The following RANBP2 variants were observed in gnomAD, a reference collection of about 807,000 sequenced individuals.
RANBP2 encodes the protein E3 SUMO-protein ligase RanBP2.
In RANBP2, 57 loss-of-function variants were observed where a neutral mutation model predicts 303.6. That is an observed-to-expected ratio of 0.19 (90% CI 0.15 to 0.23). The LOEUF is 0.23. Among genes scored for constraint, RANBP2 ranks in the 10% least tolerant of loss-of-function variants. RANBP2 has a pLI of 1.00. For synonymous variants in RANBP2, 1,167 were observed against 1,301.5 expected, an observed-to-expected ratio of 0.90 and a Z score of 2.23; for missense variants, 3,138 against 3,780.8, an observed-to-expected ratio of 0.83 and a Z score of 4.46.
At chr2:109,543,143 C>T in the RANBP2 span, 9 of 152,600 alleles carry the variant, frequency 5.9e-5, no homozygotes, top group East Asian at 1.5e-3. Context: ...GCAAATACCA[C>T]CTGAAATATG....
intron 20 of RANBP2, among the ~76,000 whole-genome samples, chr2:108,768,686 CTT>C (rs1558929117): frequency 6.6e-6 from 1 of 152,044 alleles, no homozygotes; most frequent in African/African-American, 2.4e-5. Context: ...TAACGTGAGT[CTT>C]TTTTTAAAGT....
At chr2:109,628,423 G>A in the RANBP2 span, among the ~76,000 whole-genome samples, 5 of 152,026 alleles carry the variant, frequency 3.3e-5, no homozygotes, top group African/African-American at 1.2e-4. Context: ...GAACCCAGGT[G>A]GCAGAAGTTG....
the RANBP2 span, among the ~76,000 whole-genome samples, chr2:109,290,527 G>A: frequency 6.6e-6 from 1 of 152,184 alleles, no homozygotes; most frequent in African/African-American, 2.4e-5. Flanking sequence ...CACATATTAT[G>A]CCTAGCTAGG....
At chr2:108,889,871 G>A in the RANBP2 span, among the ~76,000 whole-genome samples, 1 of 151,958 alleles carries the variant, frequency 6.6e-6, no homozygotes, top group Admixed American at 6.6e-5. Flanking sequence ...ATTGATTGTT[G>A]TTGTGGTTGG....
chr2:109,367,732 T>C, the RANBP2 span, among the ~76,000 whole-genome samples: 2 of 152,248 alleles, frequency 1.3e-5, no homozygotes, highest in African/African-American at 4.8e-5. Context: ...CTCTAGTTTT[T>C]CTCTAGTTTA....
At chr2:109,495,725 C>T in the RANBP2 span, among the ~76,000 whole-genome samples, 1 of 152,042 alleles carries the variant, frequency 6.6e-6, no homozygotes, top group African/African-American at 2.4e-5. Flanking sequence ...CTCATGGCCA[C>T]AAGTGATCCG....
At chr2:109,702,653 C>T in the RANBP2 span, among the ~76,000 whole-genome samples, 1 of 152,350 alleles carries the variant, frequency 6.6e-6, no homozygotes, top group Non-Finnish European at 1.5e-5. Context: ...TCCTTCTATT[C>T]TGACCTTAGC....
the RANBP2 span, among the ~76,000 whole-genome samples, chr2:109,399,628 A>G: frequency 5.9e-5 from 9 of 152,208 alleles, no homozygotes; most frequent in African/African-American, 2.2e-4. Context: ...GTCAATCAAT[A>G]AAATAAAATA....
chr2:109,464,678 G>A, the RANBP2 span, among the ~76,000 whole-genome samples: 1 of 152,060 alleles, frequency 6.6e-6, no homozygotes, highest in Admixed American at 6.5e-5. Context: ...AACAAATTTA[G>A]GTTCAGAGAA....
chr2:108,848,035 T>C, the RANBP2 span, among the ~76,000 whole-genome samples: 2 of 152,188 alleles, frequency 1.3e-5, no homozygotes, highest in Non-Finnish European at 2.9e-5. Flanking sequence ...AAATGGATTC[T>C]AAATAAGAAT....
At chr2:109,180,362 A>G in the RANBP2 span, among the ~76,000 whole-genome samples, 1 of 152,154 alleles carries the variant, frequency 6.6e-6, no homozygotes, top group South Asian at 2.1e-4. Flanking sequence ...AAAAGGGACC[A>G]TCTCATTGGC....
At chr2:109,723,350 A>G in the RANBP2 span, among the ~76,000 whole-genome samples, 20 of 152,052 alleles carry the variant, frequency 1.3e-4, no homozygotes, top group Non-Finnish European at 2.5e-4. Flanking sequence ...GTTTCACCCT[A>G]TGTTGGCCAG....
chr2:109,509,462 T>G, the RANBP2 span, among the ~76,000 whole-genome samples: 1 of 152,098 alleles, frequency 6.6e-6, no homozygotes, highest in Non-Finnish European at 1.5e-5. Flanking sequence ...CTCCTCGGCT[T>G]GCACACCGCC....
the RANBP2 span, chr2:109,449,609 GC>G: frequency 2.4e-6 from 3 of 1,269,004 alleles, no homozygotes; most frequent in Non-Finnish European, 2.1e-6. Context: ...CCAAGTGCCT[GC>G]CCCTAGATGA....
chr2:109,430,084 G>A, the RANBP2 span, among the ~76,000 whole-genome samples: 1 of 152,180 alleles, frequency 6.6e-6, no homozygotes, highest in Admixed American at 6.5e-5. Context: ...GGCGTGTTCT[G>A]AGCCTGCCTT....
the RANBP2 span, among the ~76,000 whole-genome samples, chr2:108,879,448 C>T: frequency 6.6e-6 from 1 of 152,110 alleles, no homozygotes; most frequent in African/African-American, 2.4e-5. Flanking sequence ...AATCTGGTAT[C>T]AAACAGTTGG....
the RANBP2 span, among the ~76,000 whole-genome samples, chr2:108,984,427 C>A: frequency 1.3e-5 from 2 of 152,274 alleles, no homozygotes; most frequent in Admixed American, 1.3e-4. Context: ...GAGAGCCCAG[C>A]CCCCTTGCCA....
rs185370921 is a variant in RANBP2, at chr2:108,756,404, G to A, written c.2466+1145G>A. Among the ~76,000 whole-genome samples, 755 of 152,240 alleles carry A rather than the reference G, an allele frequency of 5.0e-3. 12 individuals are homozygous for A. The highest frequency in any genetic ancestry group is 6.6e-3 in the Non-Finnish European group (448 of 68,000). ...TTTTTTGGAATTGGAAATAAAAGTA[G>A]GTTCTTTCATGTTTATCAGGCAAGA... On this transcript the variant is annotated intron_variant, in intron 17 of 28. Transcript: ENST00000283195.
the RANBP2 span, among the ~76,000 whole-genome samples, chr2:108,860,786 G>C: frequency 1.3e-5 from 2 of 151,882 alleles, no homozygotes; most frequent in South Asian, 2.1e-4. Context: ...GTCTTTGCCA[G>C]ATTTTGGCAT....
Sources: allele counts gnomAD v4.1 joint callset (sites outside exome capture counted in the v4.1 genomes callset), GRCh38; gene constraint gnomAD v4.1.1; transcripts MANE v1.5; gene names NCBI Gene and HGNC (gene_info 2026-07-23, HGNC 2026-07-21).